CRY2: variants seen among roughly 807,000 people sequenced by gnomAD.
CRY2 encodes the protein cryptochrome circadian regulator 2.
Under a neutral mutation model 69.5 loss-of-function variants are expected in CRY2, and 31 were observed. That is an observed-to-expected ratio of 0.45 (90% confidence interval 0.34 to 0.60). The LOEUF (loss-of-function observed/expected upper bound fraction) is 0.60. Among genes scored for constraint, CRY2 ranks in the 20% least tolerant of loss-of-function variants. The pLI is 0.02. For synonymous variants in CRY2, 303 were observed against 312.2 expected (o/e 0.97, Z 0.31); for missense variants, 606 against 797.8 (o/e 0.76, Z 2.90).
At position 45,860,224 on chromosome 11, in the gene CRY2, C is replaced by A. The variant is rs191001999; in HGVS notation, c.468-624C>A. Among the ~76,000 whole-genome samples the A allele has an allele frequency of 1.5e-3, 231 of 152,224 alleles. 2 individuals are homozygous for A. Among genetic ancestry groups the A allele is most frequent in the Non-Finnish European group, 1.5e-3 (105 of 68,012 alleles). The stretch of plus-strand genomic sequence containing the variant: ...AATACTTTGTAAACTACAAGACTCT[C>A]TTTAAGTATCAGTTGTGGCTATGAA... On this transcript the variant is annotated intron_variant, in intron 3 of 11. Transcript: ENST00000616080.
intron 1 of CRY2, among the ~76,000 whole-genome samples, chr11:45,847,917 C>T (rs2086165066): frequency 1.3e-5 from 2 of 152,194 alleles, no homozygotes; most frequent in Admixed American, 1.3e-4. Context: ...CCCCTTTGAG[C>T]CTCACAACTG....
chr11:45,882,424 C>A lies in CRY2; in HGVS notation c.*1513C>A, dbSNP rs1048340983. The A allele has an allele frequency of 4.1e-5, 16 of 394,806 alleles. No individual in the cohort carries two copies. Among genetic ancestry groups the A allele is most frequent in the African/African-American group, 3.1e-4 (15 of 48,540 alleles). The allele number at this position is 394,806 out of a possible 1,614,324, so 24.5% of individuals were successfully genotyped here. ...TTTCCTAGCCTCAGATCTGTTAATT[C>A]TTTTGGCCCCAGCCCTGTCCCTCAC... On this transcript the variant is annotated 3_prime_UTR_variant, in exon 12 of 12. Coordinates refer to ENST00000616080, the MANE Select transcript of CRY2 (RefSeq NM_021117.5).
intron 8 of CRY2, 37 bp downstream of exon 8, chr11:45,870,241 C>T: frequency 1.2e-6 from 2 of 1,610,604 alleles, no homozygotes; most frequent in African/African-American, 1.3e-5. Context: ...CCTCTGACCA[C>T]TGTGGCCTCC....
At chr11:45,874,671 G>A (rs576627661) in intron 11 of CRY2, among the ~76,000 whole-genome samples, 12 of 152,296 alleles carry the variant, frequency 7.9e-5, no homozygotes, top group African/African-American at 2.6e-4. Context: ...CCAGCCGGGC[G>A]TGGTGGCTCA....
upstream of CRY2, chr11:45,847,264 C>G (rs780169502): frequency 9.0e-6 from 14 of 1,551,774 alleles, no homozygotes; most frequent in African/African-American, 1.8e-4. Flanking sequence ...CAGCTCCACC[C>G]GGGCGGACCC....
At position 45,882,399 on chromosome 11, in the gene CRY2, T is replaced by G. The variant is rs934084776; in HGVS notation, c.*1488T>G. 83 of 387,278 alleles carry G rather than the reference T, an allele frequency of 2.1e-4. No homozygotes were observed. The highest frequency in any genetic ancestry group is 1.6e-3 in the African/African-American group (76 of 48,422). The allele number at this position is 387,278 out of a possible 1,614,324, so 24.0% of individuals were successfully genotyped here. ...TTTCCTTTCTACCTCCCCTGTGACCTTTCCTAGCCTCAGATCTGTTAATTC... is the reference window on the plus strand; with the variant it reads ...TTTCCTTTCTACCTCCCCTGTGACCGTTCCTAGCCTCAGATCTGTTAATTC... On this transcript the variant is annotated 3_prime_UTR_variant, in exon 12 of 12. Coordinates refer to ENST00000616080, the MANE Select transcript of CRY2 (RefSeq NM_021117.5).
rs1354990294 is a variant in CRY2 at position 45,862,051 on chromosome 11, T to C, written c.653-9T>C. On this transcript the variant is annotated splice_polypyrimidine_tract_variant and intron_variant, in intron 4 of 11. Transcript: ENST00000616080. ...AACCTCCTGTCTTGTGACCTTTCCTTCTCTTCAGGGTTCCCCACTGAAGGA... is the reference window on the plus strand; with the variant it reads ...AACCTCCTGTCTTGTGACCTTTCCTCCTCTTCAGGGTTCCCCACTGAAGGA... 8.1e-6 allele frequency: 13 copies of C among 1,612,030 alleles called. No individual in the cohort carries two copies. Among genetic ancestry groups the C allele is most frequent in the Non-Finnish European group, 1.1e-5 (13 of 1,178,964 alleles).
intron 9 of CRY2, 81 bp from the exon 10 acceptor site, chr11:45,870,761 C>T: frequency 3.9e-6 from 5 of 1,266,172 alleles, no homozygotes; most frequent in Non-Finnish European, 5.6e-6. Flanking sequence ...ACCCTCCCCA[C>T]CCCCACTTGC....
intron 3 of CRY2, among the ~76,000 whole-genome samples, chr11:45,859,394 T>C (rs1027146563): frequency 9.2e-5 from 14 of 152,068 alleles, no homozygotes; most frequent in Admixed American, 6.6e-4. Context: ...GACCCCCGTC[T>C]CTACTAAAAA....
At chr11:45,854,099 A>C (rs2086219394) in intron 1 of CRY2, among the ~76,000 whole-genome samples, 1 of 152,170 alleles carries the variant, frequency 6.6e-6, no homozygotes, top group Admixed American at 6.5e-5. Flanking sequence ...GGGAATAGTC[A>C]CTGCTTCTGT....
intron 2 of CRY2, among the ~76,000 whole-genome samples, chr11:45,856,795 CAA>C (rs558781174): frequency 2.2e-4 from 14 of 64,196 alleles, no homozygotes; most frequent in African/African-American, 1.2e-4. Context: ...GACTCCGTCT[CAA>C]AAAAAAAAAA....
rs1170251140 is a variant in CRY2 at position 45,870,670 on chromosome 11, C to A, written c.1549+138C>A. The stretch of plus-strand genomic sequence containing the variant: ...GTTGACACCTTCGCTGGGTATGGGA[C>A]ACTGCAGGCTGGGATGAACTGGGCC... On this transcript the variant is annotated intron_variant, in intron 9 of 11. Transcript: ENST00000616080. 21 of 1,184,916 alleles carry A rather than the reference C, an allele frequency of 1.8e-5. No individual in the cohort carries two copies. The East Asian group carries it at 5.1e-4, about 29-fold the overall frequency. 73.4% of individuals were successfully genotyped at this position (1,184,916 alleles called of 1,614,324 possible). A position where few individuals can be genotyped will look rare whatever the true frequency, so the allele number is the denominator to read the frequency against.
At chr11:45,861,985 A>G (rs2086291686) in intron 4 of CRY2, 75 bp from the exon 5 acceptor site, 1 of 1,280,336 alleles carries the variant, frequency 7.8e-7, no homozygotes, top group South Asian at 1.3e-5. Context: ...ATAAAGTTCA[A>G]ATAACAGAAC....
chr11:45,860,069 A>T (rs1348077326), intron 3 of CRY2, among the ~76,000 whole-genome samples: 3 of 152,200 alleles, frequency 2.0e-5, no homozygotes, highest in African/African-American at 7.2e-5. Flanking sequence ...CTTGGCCAAG[A>T]AGAGCCCCGG....
chr11:45,855,668 G>A (rs577996785), intron 1 of CRY2, among the ~76,000 whole-genome samples: 8 of 152,280 alleles, frequency 5.3e-5, no homozygotes, highest in African/African-American at 1.9e-4. Flanking sequence ...CACATTATTC[G>A]ATTTTCTTTT....
rs540554972 is a variant in CRY2 at position 45,869,947 on chromosome 11, C to G, written c.1195-106C>G. 4.6e-5 allele frequency: 69 copies of G among 1,511,330 alleles called. No individual in the cohort carries two copies. The Middle Eastern group carries it at 1.2e-3, about 26-fold the overall frequency. The allele number at this position is 1,511,330 out of a possible 1,614,324, so 93.6% of individuals were successfully genotyped here. On this transcript the variant is annotated intron_variant, in intron 7 of 11. Coordinates refer to ENST00000616080, the MANE Select transcript of CRY2 (RefSeq NM_021117.5). ...GAGATCCCCTCCAGATCCTCTGTGGCTTGCCTTCAATGGAAGGGTTTTGGC... is the reference window on the plus strand; with the variant it reads ...GAGATCCCCTCCAGATCCTCTGTGGGTTGCCTTCAATGGAAGGGTTTTGGC...
intron 1 of CRY2, among the ~76,000 whole-genome samples, chr11:45,851,405 C>T (rs865784471): frequency 7.9e-5 from 12 of 152,138 alleles, no homozygotes; most frequent in African/African-American, 2.9e-4. Flanking sequence ...CCCAGGATGC[C>T]CCATGAGAAC....
At chr11:45,849,682 G>T (rs899092641) in intron 1 of CRY2, among the ~76,000 whole-genome samples, 9 of 149,340 alleles carry the variant, frequency 6.0e-5, no homozygotes, top group African/African-American at 2.2e-4. Flanking sequence ...GTACAATGGC[G>T]CAGTCTGGAC....
At chr11:45,855,270 G>A (rs1468105940) in intron 1 of CRY2, among the ~76,000 whole-genome samples, 1 of 151,948 alleles carries the variant, frequency 6.6e-6, no homozygotes, top group African/African-American at 2.4e-5. Context: ...CCTGGAGAGT[G>A]AGCCACCTGC....
Sources: gnomAD v4.1 joint callset for allele counts (sites outside exome capture counted in the v4.1 genomes callset) on GRCh38, gnomAD v4.1.1 for gene constraint, MANE v1.5 for transcripts, NCBI Gene and HGNC (gene_info 2026-07-23, HGNC 2026-07-21) for gene names.